ANKS1B: variants seen among roughly 807,000 people sequenced by gnomAD.
The protein encoded by ANKS1B is ankyrin repeat and sterile alpha motif domain containing 1B.
In ANKS1B, 36 loss-of-function variants were observed where a neutral mutation model predicts 148.3. The ratio of observed to expected loss-of-function variants is 0.24; its 90% confidence interval spans 0.19 to 0.32. The LOEUF is 0.32. Among genes scored for constraint, ANKS1B ranks in the 10% least tolerant of loss-of-function variants. The pLI, the probability that ANKS1B is intolerant of heterozygous loss-of-function variation, is 1.00. For missense variants in ANKS1B, 1,157 were observed against 1,542.6 expected (o/e 0.75, Z 4.19); for synonymous variants, 542 against 560.8 (o/e 0.97, Z 0.47).
intron 15 of ANKS1B, among the ~76,000 whole-genome samples, chr12:99,114,981 C>T (rs181521460): frequency 1.9e-3 from 292 of 152,090 alleles, no homozygotes; most frequent in South Asian, 0.014. Context: ...AAATAACAGA[C>T]GCTGGTGAGG....
chr12:98,768,377 C>T (rs2098513266), intron 25 of ANKS1B, among the ~76,000 whole-genome samples: 1 of 127,128 alleles, frequency 7.9e-6, no homozygotes, highest in Admixed American at 9.7e-5. Flanking sequence ...TCAAATGTAA[C>T]ATTTTCCAAA....
At chr12:98,966,820 A>G (rs1406638239) in intron 17 of ANKS1B, among the ~76,000 whole-genome samples, 1 of 146,032 alleles carries the variant, frequency 6.8e-6, no homozygotes, top group Non-Finnish European at 1.5e-5. Context: ...GTTCTCACTC[A>G]CAGGTGGGAA....
At chr12:99,551,262 C>T (rs2097214696) in intron 9 of ANKS1B, among the ~76,000 whole-genome samples, 1 of 152,110 alleles carries the variant, frequency 6.6e-6, no homozygotes, top group African/African-American at 2.4e-5. Flanking sequence ...ATTTTTAGCT[C>T]CTCAAATACA....
intron 1 of ANKS1B, among the ~76,000 whole-genome samples, chr12:99,878,367 T>A (rs1488476091): frequency 6.6e-6 from 1 of 152,200 alleles, no homozygotes; most frequent in African/African-American, 2.4e-5. Context: ...TTCCGGCCTC[T>A]ACAATGAAGA....
intron 8 of ANKS1B, among the ~76,000 whole-genome samples, chr12:99,746,326 C>T (rs934478673): frequency 2.0e-5 from 3 of 152,126 alleles, no homozygotes; most frequent in Non-Finnish European, 2.9e-5. Context: ...GTGTTTAGTA[C>T]TCAAAAATGA....
chr12:99,507,993 T>A (rs754819092), intron 9 of ANKS1B, among the ~76,000 whole-genome samples: 40 of 151,882 alleles, frequency 2.6e-4, no homozygotes, highest in Non-Finnish European at 5.0e-4. Context: ...TTTTAATTGC[T>A]TGGACTGTGT....
chr12:98,996,315 G>A (rs1180286696), intron 17 of ANKS1B, among the ~76,000 whole-genome samples: 1 of 152,176 alleles, frequency 6.6e-6, no homozygotes, highest in African/African-American at 2.4e-5. Flanking sequence ...GTGTCTCTGA[G>A]CATGGGAAGA....
At chr12:98,858,416 T>G (rs2099582614) in intron 17 of ANKS1B, among the ~76,000 whole-genome samples, 1 of 152,242 alleles carries the variant, frequency 6.6e-6, no homozygotes, top group South Asian at 2.1e-4. Flanking sequence ...AGATCATGGC[T>G]CACTGTTGCC....
intron 17 of ANKS1B, among the ~76,000 whole-genome samples, chr12:98,887,761 C>T (rs1015624075): frequency 1.3e-5 from 2 of 152,078 alleles, no homozygotes; most frequent in Non-Finnish European, 2.9e-5. Context: ...GTGTGTGCCA[C>T]CACACTCAGC....
At chr12:99,873,311 T>C (rs146961705) in intron 1 of ANKS1B, among the ~76,000 whole-genome samples, 1 of 152,284 alleles carries the variant, frequency 6.6e-6, no homozygotes, top group Non-Finnish European at 1.5e-5. Context: ...TACTGGGGGA[T>C]TTCTAGATAT....
chr12:99,267,707 CAT>C (rs1179768201), intron 12 of ANKS1B, among the ~76,000 whole-genome samples: 1 of 152,070 alleles, frequency 6.6e-6, no homozygotes, highest in African/African-American at 2.4e-5. Flanking sequence ...CATATTATAA[CAT>C]GTGTTTTTAA....
intron 1 of ANKS1B, among the ~76,000 whole-genome samples, chr12:99,908,660 C>T (rs964241254): frequency 6.6e-6 from 1 of 152,174 alleles, no homozygotes; most frequent in South Asian, 2.1e-4. Flanking sequence ...AAGCCAATGT[C>T]AATCTCTCAT....
At position 98,801,061 on chromosome 12, in the gene ANKS1B, G is replaced by A. The variant is rs764918916; in HGVS notation, c.3206C>T (p.Pro1069Leu). ...RPPNEATAST[P>L]VQYWQHHPEK... ...TGGGTGATGCTGCCAGTACTGTACC[G>A]GGGTAGAGGCTGTGGCTTCATTCGG... Residue 1069 changes from proline (P) to leucine (L), a missense_variant, in exon 21 of 27, where the codon CCG (proline) becomes CTG (leucine). This residue lies in a region of ANKS1B where 258 missense variants were observed against 497.0 expected (regional missense o/e 0.52). Coordinates refer to ENST00000683438, the MANE Select transcript of ANKS1B (RefSeq NM_001352186.2). The surrounding 1 kb of genome is among the most constrained non-coding windows in gnomAD (Gnocchi z 5.2). 1.7e-5 allele frequency: 28 copies of A among 1,612,610 alleles called. 1 individual carries two copies. The highest frequency in any genetic ancestry group is 1.6e-4 in the Middle Eastern group (1 of 6,078).
intron 12 of ANKS1B, among the ~76,000 whole-genome samples, chr12:99,358,834 CT>C (rs371550089): frequency 6.5e-4 from 99 of 152,166 alleles, no homozygotes; most frequent in Middle Eastern, 3.4e-3. Context: ...AGTCCCATCC[CT>C]TATGGAGCTA....
At chr12:99,571,289 C>G (rs2153222921) in intron 9 of ANKS1B, among the ~76,000 whole-genome samples, 1 of 152,098 alleles carries the variant, frequency 6.6e-6, no homozygotes, top group African/African-American at 2.4e-5. Flanking sequence ...ACTGTGCCAC[C>G]TAAGGCTATG....
intron 9 of ANKS1B, among the ~76,000 whole-genome samples, chr12:99,632,727 C>CTACA (rs1419756181): frequency 2.6e-5 from 1 of 39,052 alleles, no homozygotes; most frequent in Admixed American, 3.6e-4. Context: ...CCTTTTCTTT[C>CTACA]TATATATATA....
chr12:99,162,495 T>A (rs866455406), intron 14 of ANKS1B, among the ~76,000 whole-genome samples: 1 of 151,962 alleles, frequency 6.6e-6, no homozygotes, highest in Non-Finnish European at 1.5e-5. Context: ...GTGCTCTGGG[T>A]TTTTTTTCTT....
chr12:99,668,524 CT>C (rs2098520746), intron 8 of ANKS1B, among the ~76,000 whole-genome samples: 1 of 151,786 alleles, frequency 6.6e-6, no homozygotes, highest in Non-Finnish European at 1.5e-5. Context: ...CTAGCTTTAC[CT>C]ACAAAGTTTA....
rs544916417 is a variant in ANKS1B at position 99,982,287 on chromosome 12, C to T, written c.134+1817G>A. Among the ~76,000 whole-genome samples the T allele has an allele frequency of 2.8e-4, 42 of 148,334 alleles. 1 individual carries two copies. Among genetic ancestry groups the T allele is most frequent in the South Asian group, 1.1e-3 (5 of 4,710 alleles). On this transcript the variant is annotated intron_variant, in intron 1 of 26. Transcript: ENST00000683438. ...ATTTTGATACTTTAGTGTCCACTAA[C>T]ATTAAATACTTGGTGTTTTATCCCT...
Sources: gnomAD v4.1 joint callset for allele counts (sites outside exome capture counted in the v4.1 genomes callset) on GRCh38, gnomAD v4.1.1 for gene constraint, gnomAD v4.1.1 regional missense constraint, Gnocchi (gnomAD v3.1) non-coding constraint, MANE v1.5 for transcripts, NCBI Gene and HGNC (gene_info 2026-07-23, HGNC 2026-07-21) for gene names.